Variants in FIG4 observed in about 807,000 individuals in gnomAD.
FIG4 encodes polyphosphoinositide phosphatase.
FIG4 carries 112 observed loss-of-function variants against 118.6 expected under a neutral mutation model. That is an observed-to-expected ratio of 0.94 (90% CI 0.81 to 1.11). The LOEUF is 1.11. FIG4 is among the 50% of genes least tolerant of loss of function. FIG4 has a pLI of 0.00. For missense variants in FIG4, 969 were observed against 1,111.7 expected (o/e 0.87, Z 1.83); for synonymous variants, 369 against 381.2 (o/e 0.97, Z 0.37).
chr6:109,724,447 T>C (rs1365869257), intron 3 of FIG4, among the ~76,000 whole-genome samples: 1 of 152,220 alleles, frequency 6.6e-6, no homozygotes, highest in Non-Finnish European at 1.5e-5. Context: ...CCTTGGCATA[T>C]GAAACAGCAT....
intron 10 of FIG4, among the ~76,000 whole-genome samples, chr6:109,755,460 G>T (rs188110728): frequency 7.2e-5 from 11 of 152,256 alleles, no homozygotes; most frequent in African/African-American, 1.7e-4. Flanking sequence ...GGTCCGCTTG[G>T]TGCAGAGCTG....
intron 1 of FIG4, among the ~76,000 whole-genome samples, chr6:109,707,991 T>C (rs997154854): frequency 7.3e-6 from 1 of 137,652 alleles, no homozygotes; most frequent in Non-Finnish European, 1.7e-5. Context: ...TTCTCAGTAT[T>C]CTTTTTTTTT....
intron 5 of FIG4, among the ~76,000 whole-genome samples, chr6:109,734,490 A>G (rs1776103855): frequency 6.7e-6 from 1 of 148,818 alleles, no homozygotes; most frequent in African/African-American, 2.4e-5. Flanking sequence ...AAATATATTT[A>G]TATATAGATA....
At chr6:109,819,402 G>C (rs1778945075) in intron 22 of FIG4, among the ~76,000 whole-genome samples, 1 of 152,174 alleles carries the variant, frequency 6.6e-6, no homozygotes, top group Non-Finnish European at 1.5e-5. Context: ...TTGCCAGAAA[G>C]TAACTTTTGG....
intron 4 of FIG4, among the ~76,000 whole-genome samples, chr6:109,729,932 A>G (rs1266976540): frequency 6.6e-6 from 1 of 152,198 alleles, no homozygotes; most frequent in Non-Finnish European, 1.5e-5. Flanking sequence ...ACCTTATGGA[A>G]AAAACTTCAA....
At chr6:109,764,552 G>T (rs1777222905) in intron 13 of FIG4, among the ~76,000 whole-genome samples, 1 of 151,918 alleles carries the variant, frequency 6.6e-6, no homozygotes, top group South Asian at 2.1e-4. Flanking sequence ...AACATGAAAA[G>T]AATAAGTTAG....
intron 9 of FIG4, 58 bp downstream of exon 9, chr6:109,743,330 C>A: frequency 6.6e-7 from 1 of 1,522,442 alleles, no homozygotes; most frequent in East Asian, 2.3e-5. Flanking sequence ...AGATAATGAA[C>A]TGTTGTCACA....
intron 22 of FIG4, among the ~76,000 whole-genome samples, chr6:109,821,184 G>C (rs1778996118): frequency 6.6e-6 from 1 of 152,196 alleles, no homozygotes; most frequent in Non-Finnish European, 1.5e-5. Flanking sequence ...CAGGACAATG[G>C]AGATGAAGGA....
rs1463525142 is a variant in FIG4 at position 109,760,350 on chromosome 6, AT to A, written c.1239del (p.Tyr413Ter). On this transcript the variant is annotated frameshift_variant, in exon 11 of 23. Coordinates refer to ENST00000230124, the MANE Select transcript of FIG4 (RefSeq NM_014845.6). LOFTEE classifies it high-confidence loss of function. ...QFLPPEHTIV[Y>X]IPWDMAKYTK... ...TTGCCTCCTGAGCACACTATTGTTT[AT>A]ATTCCCTGGGACATGGCCAAGTATA... 6.2e-7 allele frequency: 1 copy of A among 1,613,052 alleles called. No individual in the cohort carries two copies. Among genetic ancestry groups the A allele is most frequent in the Non-Finnish European group, 8.5e-7 (1 of 1,179,034 alleles).
At position 109,786,420 on chromosome 6, in the gene FIG4, C is replaced by CT; in HGVS notation, c.2071dup (p.Cys691LeufsTer10). The CT allele has an allele frequency of 1.9e-6, 3 of 1,613,894 alleles. No individual in the cohort carries two copies. The highest frequency in any genetic ancestry group is 2.5e-6 in the Non-Finnish European group (3 of 1,179,824). On this transcript the variant is annotated frameshift_variant, in exon 18 of 23. Transcript: ENST00000230124. LOFTEE classifies it high-confidence loss of function. ...ATGAGTTGAGCAGCTTTGATGATAC[C>CT]TTTTGCTTGGCTATGACAAGCTCAG...
At position 109,691,314 on chromosome 6, in the gene FIG4, T is replaced by G; in HGVS notation, c.-122T>G. 1.3e-6 allele frequency: 1 copy of G among 787,060 alleles called. No individual in the cohort carries two copies. The highest frequency in any genetic ancestry group is 2.2e-4 in the Middle Eastern group (1 of 4,512). 48.8% of individuals were successfully genotyped at this position (787,060 alleles called of 1,614,324 possible). A position where few individuals can be genotyped will look rare whatever the true frequency, so the allele number is the denominator to read the frequency against. On this transcript the variant is annotated 5_prime_UTR_variant, in exon 1 of 23. Transcript: ENST00000230124. Reference sequence around the variant, plus strand: ...AACACCTGATCATCTATAGGTTTAGTGCCTAATGGGTGTTGTTCCTGGCTG... The same window carrying G: ...AACACCTGATCATCTATAGGTTTAGGGCCTAATGGGTGTTGTTCCTGGCTG...
At chr6:109,800,089 A>C (rs1778389542) in intron 22 of FIG4, among the ~76,000 whole-genome samples, 1 of 152,222 alleles carries the variant, frequency 6.6e-6, no homozygotes, top group Admixed American at 6.5e-5. Context: ...ACTGAGGCAC[A>C]GAGAAGTTAT....
intron 1 of FIG4, among the ~76,000 whole-genome samples, chr6:109,693,258 C>G (rs1220102185): frequency 6.6e-6 from 1 of 152,108 alleles, no homozygotes; most frequent in Non-Finnish European, 1.5e-5. Context: ...CTTCATATGC[C>G]TTATTCTGCA....
chr6:109,814,198 G>A (rs1426009122), intron 22 of FIG4, among the ~76,000 whole-genome samples: 1 of 152,152 alleles, frequency 6.6e-6, no homozygotes, highest in Non-Finnish European at 1.5e-5. Context: ...CCAGGCTGGA[G>A]TGCAGTAGTA....
intron 15 of FIG4, among the ~76,000 whole-genome samples, chr6:109,769,067 A>G (rs1001736044): frequency 1.3e-5 from 2 of 151,326 alleles, no homozygotes; most frequent in Non-Finnish European, 2.9e-5. Context: ...TTGTCCCTGT[A>G]ATAGGGGTCA....
intron 6 of FIG4, among the ~76,000 whole-genome samples, chr6:109,736,016 A>G (rs3799852): frequency 0.8 from 121,069 of 151,862 alleles, 48,456 homozygotes; most frequent in African/African-American, 0.89. Context: ...TTTATCGCCA[A>G]ATTTTTGGGT....
intron 22 of FIG4, among the ~76,000 whole-genome samples, chr6:109,809,651 A>G (rs937751501): frequency 2.6e-5 from 4 of 152,202 alleles, no homozygotes; most frequent in African/African-American, 9.7e-5. Context: ...TGCCAGCAGG[A>G]TGATATCTGT....
chr6:109,759,498 C>T (rs1777034003), intron 10 of FIG4, among the ~76,000 whole-genome samples: 1 of 152,098 alleles, frequency 6.6e-6, no homozygotes, highest in Non-Finnish European at 1.5e-5. Context: ...CTGTTTTTAC[C>T]CTATTTTATA....
intron 15 of FIG4, among the ~76,000 whole-genome samples, 191 bp from the exon 16 acceptor site, chr6:109,776,731 A>C (rs573700079): frequency 6.6e-6 from 1 of 152,336 alleles, no homozygotes; most frequent in Non-Finnish European, 1.5e-5. Flanking sequence ...CAAAGAGGAA[A>C]CATTTTGAAG....
Sources: allele counts gnomAD v4.1 joint callset (sites outside exome capture counted in the v4.1 genomes callset), GRCh38; gene constraint gnomAD v4.1.1; transcripts MANE v1.5; gene names NCBI Gene and HGNC (gene_info 2026-07-23, HGNC 2026-07-21).